The following SGMS1 variants were observed in gnomAD, a reference collection of about 807,000 sequenced individuals.
The protein encoded by SGMS1 is sphingomyelin synthase 1.
SGMS1 carries 13 observed loss-of-function variants against 46.2 expected under a neutral mutation model. The observed-to-expected ratio is 0.28, with a 90% CI of 0.18 to 0.45. The LOEUF is 0.45. Ranked by LOEUF, SGMS1 falls within the 20% of genes least tolerant of loss-of-function variation. The pLI is 1.00. For synonymous variants in SGMS1, 203 were observed against 187.8 expected (o/e 1.08, Z -0.66); for missense variants, 324 against 519.9 (o/e 0.62, Z 3.66).
chr10:50,405,767 A>G (rs72801759), intron 6 of SGMS1, among the ~76,000 whole-genome samples: 49 of 152,362 alleles, frequency 3.2e-4, no homozygotes, highest in Non-Finnish European at 5.7e-4. Flanking sequence ...GTTATGCTAC[A>G]TATCTTCATA....
At chr10:50,599,357 A>C (rs752869165) in intron 1 of SGMS1, among the ~76,000 whole-genome samples, 4 of 152,210 alleles carry the variant, frequency 2.6e-5, no homozygotes, top group Non-Finnish European at 5.9e-5. Flanking sequence ...AGAATATAGA[A>C]TTTAATAAAA....
At chr10:50,576,593 C>T (rs1379683775) in intron 2 of SGMS1, among the ~76,000 whole-genome samples, 8 of 152,174 alleles carry the variant, frequency 5.3e-5, no homozygotes, top group African/African-American at 1.4e-4. Context: ...AAGCTGGGCA[C>T]GTGAATTCTC....
At chr10:50,336,011 G>T (rs545443382) in intron 7 of SGMS1, 2 of 152,224 alleles carry the variant, frequency 1.3e-5, no homozygotes, top group South Asian at 2.1e-4. Flanking sequence ...AATTAGAAAA[G>T]GTAGAAGCAA....
intron 2 of SGMS1, among the ~76,000 whole-genome samples, chr10:50,582,017 G>A (rs1838439530): frequency 6.6e-6 from 1 of 152,250 alleles, no homozygotes; most frequent in Admixed American, 6.5e-5. Context: ...GGCAGAGCCT[G>A]TCCTGCAGTG....
chr10:50,611,923 T>TA (rs1374690103), intron 1 of SGMS1, among the ~76,000 whole-genome samples: 2 of 152,186 alleles, frequency 1.3e-5, no homozygotes, highest in Non-Finnish European at 2.9e-5. Context: ...CTGTGTCTGT[T>TA]AGGGGGAAAG....
intron 6 of SGMS1, among the ~76,000 whole-genome samples, chr10:50,356,604 C>T (rs1410975438): frequency 1.3e-5 from 2 of 151,496 alleles, no homozygotes; most frequent in African/African-American, 4.9e-5. Flanking sequence ...ATGTTAATTA[C>T]ATCTCAATAA....
At chr10:50,383,740 T>G (rs1246286929) in intron 6 of SGMS1, among the ~76,000 whole-genome samples, 1 of 152,228 alleles carries the variant, frequency 6.6e-6, no homozygotes, top group Non-Finnish European at 1.5e-5. Flanking sequence ...CTATATATCC[T>G]ATATTATTAA....
chr10:50,350,680 G>A (rs1365674035), intron 6 of SGMS1, among the ~76,000 whole-genome samples: 1 of 152,214 alleles, frequency 6.6e-6, no homozygotes, highest in Non-Finnish European at 1.5e-5. Context: ...GAGGGTGGAA[G>A]CCCCAAGCCT....
chr10:50,495,779 A>G (rs1197475586), intron 3 of SGMS1, among the ~76,000 whole-genome samples: 1 of 147,606 alleles, frequency 6.8e-6, no homozygotes, highest in Non-Finnish European at 1.5e-5. Context: ...AAAAAAAAAG[A>G]GCAAAGTTTG....
chr10:50,440,109 C>A (rs1849522708), intron 5 of SGMS1, among the ~76,000 whole-genome samples: 1 of 152,094 alleles, frequency 6.6e-6, no homozygotes, highest in African/African-American at 2.4e-5. Context: ...GCTCTCTTTT[C>A]TTCTAGAAAC....
chr10:50,584,720 T>C (rs1304499640), intron 2 of SGMS1, among the ~76,000 whole-genome samples: 1 of 152,204 alleles, frequency 6.6e-6, no homozygotes, highest in South Asian at 2.1e-4. Flanking sequence ...TCCCATTTGA[T>C]GTCTGATGGC....
At chr10:50,476,805 G>A (rs1837431960) in intron 3 of SGMS1, among the ~76,000 whole-genome samples, 1 of 152,236 alleles carries the variant, frequency 6.6e-6, no homozygotes. Flanking sequence ...AAGCCAACAA[G>A]GCTTCCATGT....
At chr10:50,316,392 A>G (rs1026729834) in intron 8 of SGMS1, among the ~76,000 whole-genome samples, 3 of 152,230 alleles carry the variant, frequency 2.0e-5, no homozygotes, top group African/African-American at 4.8e-5. Flanking sequence ...GTAGGTCTCC[A>G]GTGTTGGAGC....
intron 2 of SGMS1, among the ~76,000 whole-genome samples, chr10:50,588,099 C>A (rs1838504554): frequency 6.6e-6 from 1 of 152,122 alleles, no homozygotes; most frequent in Non-Finnish European, 1.5e-5. Context: ...CAAAGCATAA[C>A]CATACAGAGG....
At position 50,327,555 on chromosome 10, in the gene SGMS1, A is replaced by G. The variant is rs1847551206; in HGVS notation, c.624-233T>C. Among the ~76,000 whole-genome samples the G allele has an allele frequency of 2.6e-5, 4 of 152,204 alleles. No homozygotes were observed. The South Asian group carries it at 8.3e-4, about 31-fold the overall frequency. On this transcript the variant is annotated intron_variant, in intron 7 of 10. Coordinates refer to ENST00000361781, the MANE Select transcript of SGMS1 (RefSeq NM_147156.4). The stretch of plus-strand genomic sequence containing the variant: ...GCCAAAAGTGCTTAAACTGGTTTAT[A>G]TTGCTATTAATTAGGCTTCATGAGG...
intron 3 of SGMS1, among the ~76,000 whole-genome samples, chr10:50,509,212 GA>G (rs1837733361): frequency 6.6e-6 from 1 of 152,118 alleles, no homozygotes; most frequent in Non-Finnish European, 1.5e-5. Flanking sequence ...CAAGAGTTTG[GA>G]ATTTAAGCCT....
At position 50,574,961 on chromosome 10, in the gene SGMS1, GTGTA is replaced by G. The variant is rs1411744098; in HGVS notation, c.-589+15188_-589+15191del. ...ATAAACATTTTAAAAGGAAAATGTG[GTGTA>G]TATATATATATATATATATAAAACA... On this transcript the variant is annotated intron_variant, in intron 2 of 10. Coordinates refer to ENST00000361781, the MANE Select transcript of SGMS1 (RefSeq NM_147156.4). Among the ~76,000 whole-genome samples the G allele has an allele frequency of 3.8e-4, 17 of 45,304 alleles. 1 individual carries two copies. Among genetic ancestry groups the G allele is most frequent in the Admixed American group, 2.0e-3 (9 of 4,446 alleles). The allele number at this position is 45,304 out of a possible 152,430, so 29.7% of individuals were successfully genotyped here. A position where few individuals can be genotyped will look rare whatever the true frequency, so the allele number is the denominator to read the frequency against.
At chr10:50,498,821 T>G (rs1447657587) in intron 3 of SGMS1, among the ~76,000 whole-genome samples, 1 of 152,234 alleles carries the variant, frequency 6.6e-6, no homozygotes, top group Non-Finnish European at 1.5e-5. Context: ...CTTTCAGGTC[T>G]AAACCCAGAA....
intron 3 of SGMS1, among the ~76,000 whole-genome samples, chr10:50,476,372 A>G (rs933408227): frequency 6.6e-6 from 1 of 152,024 alleles, no homozygotes; most frequent in African/African-American, 2.4e-5. Context: ...GAAGCAGGGC[A>G]CTGCTATAAA....
Sources: gnomAD v4.1 joint callset for allele counts (sites outside exome capture counted in the v4.1 genomes callset) on GRCh38, gnomAD v4.1.1 for gene constraint, MANE v1.5 for transcripts, NCBI Gene and HGNC (gene_info 2026-07-23, HGNC 2026-07-21) for gene names.